SPMIP4: variants seen among roughly 807,000 people sequenced by gnomAD.
SPMIP4 encodes sperm-associated microtubule inner protein 4.
At chr7:25,141,532 A>C in the SPMIP4 span, among the ~76,000 whole-genome samples, 420 of 138,630 alleles carry the variant, frequency 3.0e-3, 1 homozygote, top group Non-Finnish European at 5.1e-3. Context: ...AGATCGTGCC[A>C]CCGTACTCCA....
chr7:25,133,100 C>G, the SPMIP4 span, among the ~76,000 whole-genome samples: 1 of 152,066 alleles, frequency 6.6e-6, no homozygotes. Flanking sequence ...CTTCTGTGAG[C>G]AGTATATTAT....
chr7:25,151,224 ATT>A, the SPMIP4 span, among the ~76,000 whole-genome samples: 1,535 of 145,206 alleles, frequency 0.011, 11 homozygotes, highest in African/African-American at 0.024. Flanking sequence ...AAACTTTTAG[ATT>A]TTTTTTTTTT....
chr7:25,145,389 T>C, the SPMIP4 span, among the ~76,000 whole-genome samples: 3 of 152,226 alleles, frequency 2.0e-5, no homozygotes, highest in Non-Finnish European at 2.9e-5. Flanking sequence ...ATAAGCAATG[T>C]GAAATTTTAC....
At chr7:25,163,129 C>T in the SPMIP4 span, among the ~76,000 whole-genome samples, 10 of 152,052 alleles carry the variant, frequency 6.6e-5, no homozygotes, top group African/African-American at 1.7e-4. The surrounding 1 kb of genome is among the most constrained non-coding windows in gnomAD (Gnocchi z 4.4). Context: ...TTTTAAAGTA[C>T]GGTTAATGTA....
the SPMIP4 span, chr7:25,142,493 C>G: frequency 1.2e-6 from 1 of 850,436 alleles, no homozygotes. Context: ...AGAAATTTAC[C>G]ACCCACCTTA....
chr7:25,128,894 A>G, the SPMIP4 span, among the ~76,000 whole-genome samples: 2 of 152,176 alleles, frequency 1.3e-5, no homozygotes, highest in Non-Finnish European at 2.9e-5. This position sits in a 1 kb window ranked among gnomAD's most constrained non-coding sequence, Gnocchi z 4.5. Context: ...CTTTAAGGCA[A>G]CAGGTTCCGT....
chr7:25,160,656 CTATT>C, the SPMIP4 span, among the ~76,000 whole-genome samples: 1 of 152,148 alleles, frequency 6.6e-6, no homozygotes, highest in Non-Finnish European at 1.5e-5. Flanking sequence ...ACACGACAAA[CTATT>C]TAAAAGTGTA....
chr7:25,129,338 G>C, the SPMIP4 span, among the ~76,000 whole-genome samples: 1 of 152,240 alleles, frequency 6.6e-6, no homozygotes, highest in Non-Finnish European at 1.5e-5. Flanking sequence ...CTCCTCTCTA[G>C]CTAGGGCTCA....
the SPMIP4 span, chr7:25,135,140 G>T: frequency 5.7e-6 from 2 of 353,942 alleles, no homozygotes; most frequent in Non-Finnish European, 7.9e-6. Context: ...ATGGGAGTTA[G>T]CCAAACTCTT....
the SPMIP4 span, among the ~76,000 whole-genome samples, chr7:25,163,682 A>G: frequency 6.6e-6 from 1 of 152,188 alleles, no homozygotes; most frequent in African/African-American, 2.4e-5. This position sits in a 1 kb window ranked among gnomAD's most constrained non-coding sequence, Gnocchi z 4.4. Flanking sequence ...GTGACCAATC[A>G]TAAGCACTTG....
At chr7:25,153,675 G>C in the SPMIP4 span, among the ~76,000 whole-genome samples, 1 of 152,038 alleles carries the variant, frequency 6.6e-6, no homozygotes, top group Non-Finnish European at 1.5e-5. Context: ...TTGAGAAAAA[G>C]AAATCTACTT....
the SPMIP4 span, among the ~76,000 whole-genome samples, chr7:25,171,955 A>G: frequency 6.6e-6 from 1 of 152,226 alleles, no homozygotes; most frequent in Admixed American, 6.5e-5. Flanking sequence ...GGCACTTTGC[A>G]GGACAAACAG....
the SPMIP4 span, among the ~76,000 whole-genome samples, chr7:25,134,373 AAC>A: frequency 3.2e-4 from 49 of 151,864 alleles, 1 homozygote; most frequent in Admixed American, 3.2e-3. Flanking sequence ...AAAAACAAAA[AAC>A]ACACACACAC....
chr7:25,176,492 A>AG, the SPMIP4 span, among the ~76,000 whole-genome samples: 1 of 152,232 alleles, frequency 6.6e-6, no homozygotes, highest in Non-Finnish European at 1.5e-5. The surrounding 1 kb of genome is among the most constrained non-coding windows in gnomAD (Gnocchi z 4.4). Context: ...TCAATGGTAG[A>AG]GGAGTAGGGG....
the SPMIP4 span, chr7:25,179,235 T>A: frequency 1.2e-6 from 2 of 1,613,502 alleles, no homozygotes; most frequent in Non-Finnish European, 1.7e-6. Flanking sequence ...TTCATTAGAG[T>A]AAAAGGTGTT....
At chr7:25,132,624 GA>G in the SPMIP4 span, among the ~76,000 whole-genome samples, 5 of 152,256 alleles carry the variant, frequency 3.3e-5, no homozygotes, top group African/African-American at 1.2e-4. The surrounding 1 kb of genome is among the most constrained non-coding windows in gnomAD (Gnocchi z 5.0). Flanking sequence ...GAGGAGACAG[GA>G]AAAGGAAGTG....
the SPMIP4 span, chr7:25,142,489 T>G: frequency 1.2e-6 from 1 of 848,464 alleles, no homozygotes; most frequent in Non-Finnish European, 1.8e-6. Flanking sequence ...GAAGAGAAAT[T>G]TACCACCCAC....
chr7:25,131,887 A>T, the SPMIP4 span, among the ~76,000 whole-genome samples: 1 of 152,186 alleles, frequency 6.6e-6, no homozygotes, highest in Non-Finnish European at 1.5e-5. The surrounding 1 kb of genome is among the most constrained non-coding windows in gnomAD (Gnocchi z 4.2). Flanking sequence ...ACCTCGCTGG[A>T]TCAGGAGCAC....
chr7:25,158,673 G>A, the SPMIP4 span: 1 of 636,360 alleles, frequency 1.6e-6, no homozygotes, highest in Non-Finnish European at 2.8e-6. Flanking sequence ...GCCAAGGTGG[G>A]CGGATCGCTT....
Sources: allele counts gnomAD v4.1 joint callset (sites outside exome capture counted in the v4.1 genomes callset), GRCh38; gene constraint gnomAD v4.1.1; non-coding constraint Gnocchi (gnomAD v3.1); transcripts MANE v1.5; gene names NCBI Gene and HGNC (gene_info 2026-07-23, HGNC 2026-07-21).